The following TINAG variants were observed in gnomAD, a reference collection of about 807,000 sequenced individuals.
TINAG encodes the protein tubulointerstitial nephritis antigen.
Under a neutral mutation model 72.7 loss-of-function variants are expected in TINAG, and 83 were observed. The ratio of observed to expected loss-of-function variants is 1.14; its 90% CI spans 0.96 to 1.37. The LOEUF (loss-of-function observed/expected upper bound fraction) is 1.37. TINAG is among the 40% of genes most tolerant of loss of function. The pLI is 0.00. For missense variants in TINAG, 685 were observed against 576.6 expected, an observed-to-expected ratio of 1.19 and a Z score of -1.93; for synonymous variants, 234 against 189.9, an observed-to-expected ratio of 1.23 and a Z score of -1.91.
intron 9 of TINAG, among the ~76,000 whole-genome samples, chr6:54,364,585 T>C (rs541842632): frequency 3.9e-4 from 59 of 151,586 alleles, no homozygotes; most frequent in Non-Finnish European, 7.2e-4. Flanking sequence ...ATTCTTTAGT[T>C]TCTTTTTTGT....
At chr6:54,354,256 GTTGA>G (rs2076528227) in intron 8 of TINAG, among the ~76,000 whole-genome samples, 1 of 151,842 alleles carries the variant, frequency 6.6e-6, no homozygotes, top group Non-Finnish European at 1.5e-5. Flanking sequence ...TAGCGTCTCT[GTTGA>G]TTAAGACTAG....
intron 1 of TINAG, among the ~76,000 whole-genome samples, chr6:54,319,663 G>T (rs918076527): frequency 6.6e-6 from 1 of 152,116 alleles, no homozygotes; most frequent in Non-Finnish European, 1.5e-5. Context: ...ATGGCTAGAA[G>T]TTAAACAAGG....
intron 9 of TINAG, among the ~76,000 whole-genome samples, chr6:54,368,057 G>A (rs1763488029): frequency 1.3e-5 from 2 of 151,452 alleles, no homozygotes; most frequent in South Asian, 4.2e-4. Context: ...TAGGAATTTT[G>A]GGGGGACACA....
intron 1 of TINAG, among the ~76,000 whole-genome samples, chr6:54,319,318 A>G (rs1347401054): frequency 6.6e-6 from 1 of 152,156 alleles, no homozygotes; most frequent in African/African-American, 2.4e-5. Flanking sequence ...TTAGAAACAT[A>G]CTGTGGATTC....
Position 54,380,212 on chromosome 6 carries a change from G to A in TINAG, c.1251-314G>A, listed in dbSNP as rs547079455. Among the ~76,000 whole-genome samples, 5 of 151,894 alleles carry A rather than the reference G, an allele frequency of 3.3e-5. 1 individual carries two copies. The South Asian group carries it at 1.0e-3, about 32-fold the overall frequency. ...TTTGGGTTAATTTGAAGTCTTTGAG[G>A]ATAAGTATTTTTTAAGTCCTTTTAA... On this transcript the variant is annotated intron_variant, in intron 9 of 10. Transcript: ENST00000259782.
intron 10 of TINAG, among the ~76,000 whole-genome samples, chr6:54,386,758 T>C (rs2150986358): frequency 6.6e-6 from 1 of 151,740 alleles, no homozygotes; most frequent in East Asian, 1.9e-4. Flanking sequence ...CCTCACTAAA[T>C]ACAGACAAAA....
chr6:54,326,360 T>TA (rs1784602032), intron 3 of TINAG, among the ~76,000 whole-genome samples: 1 of 151,960 alleles, frequency 6.6e-6, no homozygotes, highest in African/African-American at 2.4e-5. Flanking sequence ...ATACCTATTT[T>TA]ATCCTTCATT....
rs569461488 is a variant in TINAG at position 54,312,056 on chromosome 6, TG to T, written c.355+3152del. Among the ~76,000 whole-genome samples the T allele has an allele frequency of 7.9e-5, 12 of 151,928 alleles. No homozygotes were observed. In the South Asian group the frequency reaches 2.6e-3, roughly 32 times the overall value. On this transcript the variant is annotated intron_variant, in intron 1 of 10. Transcript: ENST00000259782. The stretch of plus-strand genomic sequence containing the variant: ...TATTTTGTATTGCTTTTTTTTTGTT[TG>T]TTTTTTGTTTTTTGTTTTTGACAGG...
At chr6:54,381,483 A>G (rs1763947821) in intron 10 of TINAG, among the ~76,000 whole-genome samples, 2 of 152,056 alleles carry the variant, frequency 1.3e-5, no homozygotes, top group Non-Finnish European at 2.9e-5. Context: ...TGTACTCATC[A>G]GAATGACTCT....
At chr6:54,315,157 T>C (rs1440401195) in intron 1 of TINAG, among the ~76,000 whole-genome samples, 1 of 152,186 alleles carries the variant, frequency 6.6e-6, no homozygotes, top group Non-Finnish European at 1.5e-5. Context: ...CTATTAAATA[T>C]ATTTTTCAGA....
intron 4 of TINAG, among the ~76,000 whole-genome samples, chr6:54,337,414 C>T (rs369578447): frequency 9.2e-5 from 14 of 151,956 alleles, no homozygotes; most frequent in Admixed American, 3.9e-4. Context: ...CCACCAAGCC[C>T]GGCTAATCTT....
At chr6:54,364,074 G>T (rs1210243368) in intron 9 of TINAG, among the ~76,000 whole-genome samples, 1 of 151,510 alleles carries the variant, frequency 6.6e-6, no homozygotes, top group Non-Finnish European at 1.5e-5. Flanking sequence ...AAGATGTGGT[G>T]GGAGGAGAGG....
intron 8 of TINAG, among the ~76,000 whole-genome samples, chr6:54,352,491 C>G (rs1785289850): frequency 6.6e-6 from 1 of 151,760 alleles, no homozygotes; most frequent in African/African-American, 2.4e-5. Context: ...TCTGTTCCCC[C>G]TTACAGCTGT....
intron 9 of TINAG, among the ~76,000 whole-genome samples, chr6:54,378,497 A>C (rs922648246): frequency 3.3e-5 from 5 of 152,182 alleles, no homozygotes; most frequent in African/African-American, 9.7e-5. Flanking sequence ...ATTTGCAAGA[A>C]TTATTCTTGT....
chr6:54,330,425 G>A (rs1289659444), intron 4 of TINAG, among the ~76,000 whole-genome samples: 12 of 152,160 alleles, frequency 7.9e-5, no homozygotes, highest in African/African-American at 2.6e-4. Flanking sequence ...AAGACACAAC[G>A]TACCAGAATC....
upstream of TINAG, chr6:54,308,054 G>A: frequency 6.5e-7 from 1 of 1,549,850 alleles, no homozygotes; most frequent in East Asian, 2.4e-5. Flanking sequence ...ACAGATCCTA[G>A]CAGGCAACCT....
At chr6:54,321,004 G>A (rs1252984375) in intron 2 of TINAG, among the ~76,000 whole-genome samples, 4 of 152,116 alleles carry the variant, frequency 2.6e-5, no homozygotes, top group African/African-American at 4.8e-5. Context: ...CTAGCCTGCA[G>A]AAAGTTTCCA....
intron 5 of TINAG, 25 bp from the exon 6 acceptor site, chr6:54,347,342 T>C (rs1388274892): frequency 6.2e-7 from 1 of 1,610,218 alleles, no homozygotes; most frequent in Non-Finnish European, 8.5e-7. Flanking sequence ...CATTTCAATA[T>C]TAATTGATAT....
At chr6:54,319,214 G>A (rs1784437180) in intron 1 of TINAG, among the ~76,000 whole-genome samples, 1 of 152,112 alleles carries the variant, frequency 6.6e-6, no homozygotes, top group Non-Finnish European at 1.5e-5. Flanking sequence ...GAATGGTCAG[G>A]AAAGTACTTC....
Sources: gnomAD v4.1 joint callset for allele counts (sites outside exome capture counted in the v4.1 genomes callset) on GRCh38, gnomAD v4.1.1 for gene constraint, MANE v1.5 for transcripts, NCBI Gene and HGNC (gene_info 2026-07-23, HGNC 2026-07-21) for gene names.